APOOL: variants seen among roughly 807,000 people sequenced by gnomAD.
APOOL encodes the protein MICOS complex subunit MIC27.
A neutral mutation model predicts 23.1 loss-of-function variants in APOOL; 12 were observed. That is an observed-to-expected ratio of 0.52 (90% CI 0.33 to 0.84). The LOEUF (loss-of-function observed/expected upper bound fraction) is 0.84, where lower values mean the gene tolerates loss of function less well. Ranked by LOEUF, APOOL falls within the 40% of genes least tolerant of loss-of-function variation. The probability of loss-of-function intolerance (pLI) is 0.02; values close to 1 mark genes in which losing one functional copy is unlikely to be tolerated. For synonymous variants in APOOL, 77 were observed against 69.9 expected, an observed-to-expected ratio of 1.10 and a Z score of -0.51; for missense variants, 212 against 199.6, an observed-to-expected ratio of 1.06 and a Z score of -0.37.
Position 85,067,111 on chromosome X carries a change from T to C in APOOL, c.395-16T>C. ...GGTATATATTTGGAGTTTAATAATA[T>C]ATTTGCATTTTATAGGTTCCAAGTT... On this transcript the variant is annotated splice_polypyrimidine_tract_variant and intron_variant, in intron 5 of 8. Coordinates refer to ENST00000373173, the MANE Select transcript of APOOL (RefSeq NM_198450.6). The C allele has an allele frequency of 1.9e-6, 2 of 1,056,559 alleles. No homozygotes were observed. The highest frequency in any genetic ancestry group is 2.6e-6 in the Non-Finnish European group (2 of 776,162). The allele number at this position is 1,056,559 out of a possible 1,213,427, so 87.1% of individuals were successfully genotyped here.
chrX:85,087,478 T>C, intron 8 of APOOL, 112 bp from the exon 9 acceptor site: 1 of 567,068 alleles, frequency 1.8e-6, no homozygotes, highest in Admixed American at 3.6e-5. Flanking sequence ...ACTCAAATGT[T>C]AGGTCTGTGT....
chrX:85,068,164 T>A (rs2087537004), intron 6 of APOOL, among the ~76,000 whole-genome samples: 1 of 111,695 alleles, frequency 9.0e-6, no homozygotes, highest in Non-Finnish European at 1.9e-5. Flanking sequence ...AAACTCTTTC[T>A]TAATAATTTA....
intron 1 of APOOL, among the ~76,000 whole-genome samples, chrX:85,007,250 CTT>C (rs1488125170): frequency 1.8e-5 from 2 of 111,377 alleles, no homozygotes; most frequent in African/African-American, 6.5e-5. Flanking sequence ...CTAGTAGTGA[CTT>C]TCTCCAGCAG....
chrX:85,030,639 A>G (rs1270668904), intron 1 of APOOL, among the ~76,000 whole-genome samples: 1 of 112,028 alleles, frequency 8.9e-6, no homozygotes, highest in Non-Finnish European at 1.9e-5. Context: ...ATTCTTCTAA[A>G]TGAAGTAACT....
chrX:85,018,801 G>C (rs1921563856), intron 1 of APOOL, among the ~76,000 whole-genome samples: 2 of 111,452 alleles, frequency 1.8e-5, no homozygotes, highest in Admixed American at 1.9e-4. Flanking sequence ...TCATTGAGCT[G>C]TATGTGTTCT....
rs764058952 is a variant in APOOL at position 85,046,853 on chromosome X, AT to A, written c.120+305del. Among the ~76,000 whole-genome samples, 3 of 111,592 alleles carry A rather than the reference AT, an allele frequency of 2.7e-5. No homozygotes were observed. In the South Asian group the frequency reaches 1.1e-3, roughly 42 times the overall value. ...TTTCTTGAAAAACTTACACAGGTAC[AT>A]TCAGTATTAGGAAACTTCAGTTTAA... is the stretch of plus-strand genomic sequence containing the variant. On this transcript the variant is annotated intron_variant, in intron 2 of 8. Coordinates refer to ENST00000373173, the MANE Select transcript of APOOL (RefSeq NM_198450.6).
chrX:85,038,739 A>G (rs1314364597), intron 1 of APOOL, among the ~76,000 whole-genome samples: 1 of 108,213 alleles, frequency 9.2e-6, no homozygotes, highest in Non-Finnish European at 1.9e-5. Context: ...TTGTATTTCC[A>G]TGTAGTTGGT....
chrX:85,024,896 C>G (rs1170890339), intron 1 of APOOL, among the ~76,000 whole-genome samples: 5 of 112,571 alleles, frequency 4.4e-5, no homozygotes, highest in African/African-American at 9.7e-5. Flanking sequence ...TTTGAAATAG[C>G]TCTTTCAAAA....
intron 8 of APOOL, among the ~76,000 whole-genome samples, chrX:85,084,080 G>T (rs1172666453): frequency 9.4e-6 from 1 of 106,304 alleles, no homozygotes; most frequent in East Asian, 3.1e-4. Flanking sequence ...AAGAGATGAA[G>T]AAATTTCTTA....
intron 8 of APOOL, among the ~76,000 whole-genome samples, chrX:85,080,080 C>A (rs1297061074): frequency 6.3e-5 from 7 of 111,462 alleles, no homozygotes; most frequent in African/African-American, 9.8e-5. Context: ...TTTTTTGTGT[C>A]TCTATCTTTT....
In APOOL at chrX:85,088,363, G is replaced by T. The variant is rs1396357930; in HGVS notation, c.*685G>T. On this transcript the variant is annotated 3_prime_UTR_variant, in exon 9 of 9. Transcript: ENST00000373173. ...TTTTTTTTCCCATTTCCTAGAGCTG[G>T]AATAAAATATCCATGTTTTATGGGA... 1 of 66,915 alleles carries T rather than the reference G, an allele frequency of 1.5e-5. No homozygotes were observed. Among genetic ancestry groups the T allele is most frequent in the Non-Finnish European group, 2.5e-5 (1 of 39,348 alleles). The allele number at this position is 66,915 out of a possible 1,213,427, so 5.5% of individuals were successfully genotyped here.
intron 5 of APOOL, among the ~76,000 whole-genome samples, chrX:85,056,642 C>T (rs913171102): frequency 1.5e-4 from 17 of 110,725 alleles, no homozygotes; most frequent in South Asian, 3.8e-4. Flanking sequence ...ACTCGGGAGG[C>T]TGAGGCAGGA....
At chrX:85,030,384 T>TA (rs933864415) in intron 1 of APOOL, among the ~76,000 whole-genome samples, 13 of 108,313 alleles carry the variant, frequency 1.2e-4, no homozygotes, top group African/African-American at 3.0e-4. Flanking sequence ...GGTCAGGGAT[T>TA]AAAAAAAAAC....
chrX:85,032,986 T>C (rs905797094), intron 1 of APOOL, among the ~76,000 whole-genome samples: 2 of 112,407 alleles, frequency 1.8e-5, no homozygotes, highest in Non-Finnish European at 3.8e-5. Context: ...GTTTGTTATC[T>C]AAGTGAAGGT....
chrX:85,044,284 A>G (rs1922499089), intron 1 of APOOL, among the ~76,000 whole-genome samples: 1 of 109,179 alleles, frequency 9.2e-6, no homozygotes, highest in African/African-American at 3.3e-5. Flanking sequence ...ATATATATAT[A>G]TGTATTTTTT....
Position 85,093,186 on chromosome X carries a change from T to A in APOOL, c.*5508T>A. ...ATCAATACTAATTGTAATACATACC[T>A]GACTTAGCCTCTTCAGCATTTCAGC... On this transcript the variant is annotated 3_prime_UTR_variant, in exon 9 of 9. Coordinates refer to ENST00000373173, the MANE Select transcript of APOOL (RefSeq NM_198450.6). 8.6e-7 allele frequency: 1 copy of A among 1,162,551 alleles called. No individual in the cohort carries two copies. The highest frequency in any genetic ancestry group is 3.3e-5 in the East Asian group (1 of 30,654).
At chrX:85,051,597 C>T in intron 3 of APOOL, 89 bp downstream of exon 3, 1 of 1,071,153 alleles carries the variant, frequency 9.3e-7, no homozygotes, top group Non-Finnish European at 1.3e-6. Flanking sequence ...TAATCCAAAA[C>T]TTAATGGCTT....
intron 5 of APOOL, 56 bp from the exon 6 acceptor site, chrX:85,067,071 C>T (rs778696895): frequency 2.0e-5 from 15 of 767,621 alleles, no homozygotes; most frequent in Non-Finnish European, 2.9e-5. Flanking sequence ...GGTATAAGAA[C>T]ATCAAGTCTC....
At chrX:85,062,278 A>T (rs181098997) in intron 5 of APOOL, among the ~76,000 whole-genome samples, 3 of 111,501 alleles carry the variant, frequency 2.7e-5, no homozygotes, top group Non-Finnish European at 5.6e-5. Context: ...GACCTTTGTC[A>T]GATGGATAGA....
Sources: gnomAD v4.1 joint callset for allele counts (sites outside exome capture counted in the v4.1 genomes callset) on GRCh38, gnomAD v4.1.1 for gene constraint, MANE v1.5 for transcripts, NCBI Gene and HGNC (gene_info 2026-07-23, HGNC 2026-07-21) for gene names.